The following CSMD1 variants were observed in gnomAD, a reference collection of about 807,000 sequenced individuals.
CSMD1 encodes the protein CUB and sushi domain-containing protein 1.
CSMD1 carries 213 observed loss-of-function variants against 417.5 expected under a neutral mutation model. The observed-to-expected ratio is 0.51, with a 90% CI of 0.46 to 0.57. CSMD1 has a LOEUF of 0.57. Ranked by LOEUF, CSMD1 falls within the 20% of genes least tolerant of loss-of-function variation. The probability of loss-of-function intolerance (pLI) is 0.00; values close to 1 mark genes in which losing one functional copy is unlikely to be tolerated. For synonymous variants in CSMD1, 2,862 were observed against 1,736.8 expected, an observed-to-expected ratio of 1.65 and a Z score of -16.11; for missense variants, 6,923 against 4,529.7, an observed-to-expected ratio of 1.53 and a Z score of -15.17.
chr8:4,221,010 C>T (rs1415561112), intron 3 of CSMD1, among the ~76,000 whole-genome samples: 2 of 152,130 alleles, frequency 1.3e-5, no homozygotes, highest in Non-Finnish European at 1.5e-5. Flanking sequence ...TGCCATGTGC[C>T]CGCAGGAGGA....
intron 3 of CSMD1, among the ~76,000 whole-genome samples, chr8:4,066,391 G>A (rs1329688561): frequency 6.6e-6 from 1 of 151,990 alleles, no homozygotes; most frequent in South Asian, 2.1e-4. Flanking sequence ...GGGATGTTTG[G>A]CATGTCCTCT....
At position 3,737,264 on chromosome 8, in the gene CSMD1, A is replaced by G. The variant is rs1446439257; in HGVS notation, c.931+16666T>C. ...ATAAGCCGATTGGGAGTAATGGCCTATAAGTTTATCTTGCTAAAGTAAATT... is the reference window on the plus strand; with the variant it reads ...ATAAGCCGATTGGGAGTAATGGCCTGTAAGTTTATCTTGCTAAAGTAAATT... On this transcript the variant is annotated intron_variant, in intron 6 of 69. Transcript: ENST00000635120. 4.6e-5 allele frequency among the ~76,000 whole-genome samples: 7 copies of G among 152,296 alleles called. No individual in the cohort carries two copies. The South Asian group carries it at 6.2e-4, about 14-fold the overall frequency.
At chr8:4,320,771 G>T (rs1799227170) in intron 3 of CSMD1, among the ~76,000 whole-genome samples, 1 of 152,112 alleles carries the variant, frequency 6.6e-6, no homozygotes, top group South Asian at 2.1e-4. Flanking sequence ...CGGGCATTTG[G>T]ATTGGTGATT....
intron 1 of CSMD1, among the ~76,000 whole-genome samples, chr8:4,841,927 A>AAAAAACAAAAAAC: frequency 1.4e-5 from 2 of 144,542 alleles, no homozygotes; most frequent in African/African-American, 5.2e-5. Flanking sequence ...AAAAAAAAAA[A>AAAAAACAAAAAAC]AAAAAAAAAA....
intron 4 of CSMD1, among the ~76,000 whole-genome samples, chr8:4,004,668 T>G (rs947946266): frequency 1.3e-5 from 2 of 152,192 alleles, no homozygotes; most frequent in Non-Finnish European, 2.9e-5. Context: ...AATAGTCACT[T>G]TCTTAAAAAG....
chr8:3,172,485 T>C (rs1464662258), intron 37 of CSMD1, among the ~76,000 whole-genome samples: 2 of 152,198 alleles, frequency 1.3e-5, no homozygotes, highest in Non-Finnish European at 2.9e-5. Flanking sequence ...GTGTTTTCTT[T>C]CTAATTGTGC....
At chr8:3,639,762 T>C (rs1797215976) in intron 7 of CSMD1, among the ~76,000 whole-genome samples, 1 of 152,214 alleles carries the variant, frequency 6.6e-6, no homozygotes, top group African/African-American at 2.4e-5. Flanking sequence ...TATATACATC[T>C]TGTTATTCTT....
chr8:4,604,381 TTG>T (rs368710127), intron 2 of CSMD1, among the ~76,000 whole-genome samples: 11,610 of 91,518 alleles, frequency 0.13, 607 homozygotes, highest in South Asian at 0.25. Flanking sequence ...ACAAATAGCA[TTG>T]TGTGTGTGTG....
intron 51 of CSMD1, among the ~76,000 whole-genome samples, chr8:3,028,572 G>C (rs1337540706): frequency 6.6e-6 from 1 of 152,166 alleles, no homozygotes; most frequent in Non-Finnish European, 1.5e-5. Context: ...TGTGTTCCTG[G>C]TGAAGAGCTT....
chr8:3,211,026 T>C (rs1250276785), intron 30 of CSMD1, among the ~76,000 whole-genome samples: 1 of 152,080 alleles, frequency 6.6e-6, no homozygotes, highest in Non-Finnish European at 1.5e-5. Flanking sequence ...GAAAGAAAAT[T>C]AGAATTTTTA....
intron 41 of CSMD1, among the ~76,000 whole-genome samples, chr8:3,132,069 G>T (rs1817822708): frequency 6.6e-6 from 1 of 152,160 alleles, no homozygotes; most frequent in African/African-American, 2.4e-5. Context: ...GTAAGCCAGG[G>T]TTCACACGTG....
intron 10 of CSMD1, among the ~76,000 whole-genome samples, chr8:3,561,212 G>C (rs193080069): frequency 6.6e-6 from 1 of 152,272 alleles, no homozygotes; most frequent in Admixed American, 6.5e-5. Context: ...AGCCTCTATG[G>C]AAAACAGTAT....
intron 3 of CSMD1, among the ~76,000 whole-genome samples, chr8:4,109,392 T>A (rs1445457988): frequency 6.6e-6 from 1 of 152,180 alleles, no homozygotes; most frequent in Admixed American, 6.5e-5. Flanking sequence ...TATAGTGACC[T>A]AGCAAAAATA....
chr8:3,483,938 C>A (rs1319698935), intron 11 of CSMD1, among the ~76,000 whole-genome samples: 1 of 152,174 alleles, frequency 6.6e-6, no homozygotes, highest in East Asian at 1.9e-4. Flanking sequence ...ATTCACAGGA[C>A]ACATAGTGTT....
intron 6 of CSMD1, among the ~76,000 whole-genome samples, chr8:3,744,586 G>C (rs570214104): frequency 1.3e-5 from 2 of 152,146 alleles, no homozygotes; most frequent in Non-Finnish European, 2.9e-5. Flanking sequence ...ATGTAAATGT[G>C]GATGACTGTG....
At chr8:3,532,549 T>C (rs909499205) in intron 10 of CSMD1, among the ~76,000 whole-genome samples, 3 of 152,152 alleles carry the variant, frequency 2.0e-5, no homozygotes, top group African/African-American at 4.8e-5. Flanking sequence ...ATTTGAGAAA[T>C]GGACGTAGGT....
intron 1 of CSMD1, among the ~76,000 whole-genome samples, chr8:4,656,066 G>C (rs1279891780): frequency 6.6e-6 from 1 of 152,040 alleles, no homozygotes; most frequent in Non-Finnish European, 1.5e-5. Flanking sequence ...AGAAAATGTA[G>C]GGCACAGTAA....
chr8:4,058,941 C>T (rs1798833974), intron 3 of CSMD1, among the ~76,000 whole-genome samples: 1 of 151,996 alleles, frequency 6.6e-6, no homozygotes, highest in African/African-American at 2.4e-5. Context: ...ACCAAGCGGG[C>T]CTAACAGACA....
At position 3,491,964 on chromosome 8, in the gene CSMD1, G is replaced by A. The variant is rs145123912; in HGVS notation, c.1448+1659C>T. 3.0e-3 allele frequency among the ~76,000 whole-genome samples: 464 copies of A among 152,224 alleles called. 2 individuals carry two copies. The highest frequency in any genetic ancestry group is 0.01 in the African/African-American group (424 of 41,532). ...GGCTTGCTCACAGCCCAGAGGTCCC[G>A]GCCTCCACCCAATTTATTGGTTTAC... On this transcript the variant is annotated intron_variant, in intron 11 of 69. Transcript: ENST00000635120.
Sources: gnomAD v4.1 joint callset for allele counts (sites outside exome capture counted in the v4.1 genomes callset) on GRCh38, gnomAD v4.1.1 for gene constraint, MANE v1.5 for transcripts, NCBI Gene and HGNC (gene_info 2026-07-23, HGNC 2026-07-21) for gene names.